DNAJC15: variants seen among roughly 807,000 people sequenced by gnomAD.
The protein encoded by DNAJC15 is DnaJ heat shock protein family (Hsp40) member C15, also known as dnaJ homolog subfamily C member 15.
Under a neutral mutation model 22.4 loss-of-function variants are expected in DNAJC15, and 27 were observed. That is an observed-to-expected ratio of 1.20 (90% CI 0.89 to 1.66). DNAJC15 has a LOEUF of 1.66. Among genes scored for constraint, DNAJC15 ranks in the 40% most tolerant of loss-of-function variants. The pLI is 0.00. For missense variants in DNAJC15, 208 were observed against 187.1 expected (o/e 1.11, Z -0.65); for synonymous variants, 79 against 63.2 (o/e 1.25, Z -1.19).
intron 5 of DNAJC15, among the ~76,000 whole-genome samples, chr13:43,091,983 A>G (rs2040717401): frequency 6.6e-6 from 1 of 152,180 alleles, no homozygotes; most frequent in African/African-American, 2.4e-5. Context: ...CAGTTACTCT[A>G]TGCAATGTTC....
At chr13:43,025,831 G>C (rs573425431) in intron 1 of DNAJC15, among the ~76,000 whole-genome samples, 32 of 152,182 alleles carry the variant, frequency 2.1e-4, no homozygotes, top group African/African-American at 7.5e-4. Flanking sequence ...TTGAACCCAG[G>C]GGGCAGAGGT....
intron 5 of DNAJC15, among the ~76,000 whole-genome samples, chr13:43,106,768 G>T (rs2040798690): frequency 6.7e-6 from 1 of 149,906 alleles, no homozygotes; most frequent in South Asian, 2.1e-4. Context: ...TCTTCAAAAA[G>T]ATACCCGTTT....
intron 3 of DNAJC15, among the ~76,000 whole-genome samples, chr13:43,074,566 T>G (rs1026726566): frequency 5.9e-5 from 9 of 152,196 alleles, no homozygotes; most frequent in Non-Finnish European, 1.2e-4. Context: ...TACCTGTAAG[T>G]CCTAATATAA....
At position 43,085,803 on chromosome 13, in the gene DNAJC15, A is replaced by G. The variant is rs747654771; in HGVS notation, c.347A>G (p.His116Arg). Residue 116 changes from histidine (H) to arginine (R), a missense_variant, in exon 5 of 6, where the codon CAT (histidine) becomes CGT (arginine). His to Arg is a conservative substitution (Grantham distance 29). Transcript: ENST00000379221. ...SAGKAKIRTAHRRVMILNHPD... is the reference protein window; with the variant it reads ...SAGKAKIRTARRRVMILNHPD... ...GGCAAGGCTAAGATTAGAACAGCTC[A>G]TAGGAGAGTCATGATTTTGAATCAC... The G allele has an allele frequency of 4.3e-6, 7 of 1,613,604 alleles. No individual in the cohort carries two copies. In the South Asian group the frequency reaches 6.6e-5, roughly 15 times the overall value.
intron 1 of DNAJC15, among the ~76,000 whole-genome samples, chr13:43,040,634 A>G (rs2040449075): frequency 1.3e-5 from 2 of 152,140 alleles, no homozygotes; most frequent in African/African-American, 4.8e-5. Context: ...GAGACAAAGT[A>G]TAGAGAAGGA....
intron 1 of DNAJC15, among the ~76,000 whole-genome samples, chr13:43,030,507 G>A (rs1028599621): frequency 6.6e-6 from 1 of 152,192 alleles, no homozygotes; most frequent in Admixed American, 6.5e-5. Context: ...GTTGCTCTAG[G>A]AGGCAAATTT....
intron 1 of DNAJC15, among the ~76,000 whole-genome samples, chr13:43,038,647 C>T (rs2040439414): frequency 6.6e-6 from 1 of 151,960 alleles, no homozygotes; most frequent in African/African-American, 2.4e-5. Context: ...AAAAAATTAG[C>T]CAGGCTTGGT....
chr13:43,095,087 C>T (rs1016818315), intron 5 of DNAJC15, among the ~76,000 whole-genome samples: 2 of 152,094 alleles, frequency 1.3e-5, no homozygotes, highest in African/African-American at 4.8e-5. Flanking sequence ...ACTACTCCAT[C>T]ATAACCAAAA....
intron 1 of DNAJC15, among the ~76,000 whole-genome samples, chr13:43,045,942 C>T (rs911999329): frequency 1.3e-5 from 2 of 152,114 alleles, no homozygotes; most frequent in South Asian, 4.1e-4. Flanking sequence ...GGGATTTTGT[C>T]TGATATATCC....
At chr13:43,099,274 A>C (rs968431861) in intron 5 of DNAJC15, among the ~76,000 whole-genome samples, 1 of 152,178 alleles carries the variant, frequency 6.6e-6, no homozygotes, top group Admixed American at 6.6e-5. Context: ...TATTAGGTCT[A>C]ATAGTTATTG....
rs2040836296 is a variant in DNAJC15 at position 43,114,004 on chromosome 13, A to G, written c.*6756A>G. On this transcript the variant is annotated 3_prime_UTR_variant, in exon 6 of 6. Coordinates refer to ENST00000379221, the MANE Select transcript of DNAJC15 (RefSeq NM_013238.3). ...TATCTCATTTTGTACTCGCTTACAT[A>G]CTACATTCTTGTTTGGGCTTTCGTT... 1 of 152,194 alleles carries G rather than the reference A, an allele frequency of 6.6e-6. No homozygotes were observed. Among genetic ancestry groups the G allele is most frequent in the Non-Finnish European group, 1.5e-5 (1 of 68,036 alleles). The allele number at this position is 152,194 out of a possible 1,614,324, so 9.4% of individuals were successfully genotyped here.
intron 1 of DNAJC15, among the ~76,000 whole-genome samples, chr13:43,032,127 C>G (rs1472772733): frequency 6.6e-6 from 1 of 152,180 alleles, no homozygotes; most frequent in African/African-American, 2.4e-5. Context: ...GGAGCAGTTG[C>G]TAAAGACGGA....
At position 43,092,488 on chromosome 13, in the gene DNAJC15, A is replaced by G. The variant is rs139777582; in HGVS notation, c.382+6650A>G. Among the ~76,000 whole-genome samples the G allele has an allele frequency of 6.2e-3, 885 of 142,768 alleles. 4 individuals are homozygous for G. Among genetic ancestry groups the G allele is most frequent in the Non-Finnish European group, 0.011 (666 of 62,882 alleles). The allele number at this position is 142,768 out of a possible 152,430, so 93.7% of individuals were successfully genotyped here. A position where few individuals can be genotyped will look rare whatever the true frequency, so the allele number is the denominator to read the frequency against. On this transcript the variant is annotated intron_variant, in intron 5 of 5. Coordinates refer to ENST00000379221, the MANE Select transcript of DNAJC15 (RefSeq NM_013238.3). ...AGTTTACTGGTATTTGAATATATAC[A>G]TATACACACACACATGTGTGTGTGT... is the stretch of plus-strand genomic sequence containing the variant.
At chr13:43,031,124 T>C (rs2040402548) in intron 1 of DNAJC15, among the ~76,000 whole-genome samples, 1 of 152,054 alleles carries the variant, frequency 6.6e-6, no homozygotes, top group Non-Finnish European at 1.5e-5. Context: ...ATTATGTGAG[T>C]GATGATTATA....
intron 1 of DNAJC15, among the ~76,000 whole-genome samples, chr13:43,050,443 C>T (rs1169800193): frequency 6.6e-6 from 1 of 151,608 alleles, no homozygotes; most frequent in African/African-American, 2.4e-5. Context: ...GCAGCCAGGA[C>T]TACAGGCACA....
intron 5 of DNAJC15, among the ~76,000 whole-genome samples, chr13:43,089,260 T>C (rs1258826542): frequency 6.6e-6 from 1 of 152,234 alleles, no homozygotes; most frequent in Non-Finnish European, 1.5e-5. Flanking sequence ...GCACCTACTA[T>C]GTGCCAGGCA....
intron 4 of DNAJC15, among the ~76,000 whole-genome samples, chr13:43,079,707 T>G (rs184034059): frequency 2.6e-4 from 40 of 152,296 alleles, no homozygotes; most frequent in African/African-American, 9.4e-4. Flanking sequence ...GAAATCTGAG[T>G]ATAAAACATT....
intron 1 of DNAJC15, among the ~76,000 whole-genome samples, chr13:43,050,723 GTAATT>G (rs2040499062): frequency 6.6e-6 from 1 of 152,062 alleles, no homozygotes; most frequent in Non-Finnish European, 1.5e-5. Flanking sequence ...ACAAAGAGAG[GTAATT>G]TAGATTAAAC....
intron 4 of DNAJC15, among the ~76,000 whole-genome samples, chr13:43,082,149 A>T (rs958750428): frequency 6.6e-6 from 1 of 151,792 alleles, no homozygotes; most frequent in Non-Finnish European, 1.5e-5. Context: ...GAGCCAAACC[A>T]TATCACTATA....
Sources: gnomAD v4.1 joint callset for allele counts (sites outside exome capture counted in the v4.1 genomes callset) on GRCh38, gnomAD v4.1.1 for gene constraint, MANE v1.5 for transcripts, NCBI Gene and HGNC (gene_info 2026-07-23, HGNC 2026-07-21) for gene names.